The following DBF4 variants were observed in gnomAD, a reference collection of about 807,000 sequenced individuals.
DBF4 encodes the protein protein DBF4 homolog A.
Under a neutral mutation model 76.6 loss-of-function variants are expected in DBF4, and 25 were observed. The observed-to-expected ratio is 0.33, with a 90% CI of 0.24 to 0.46. The LOEUF is 0.46. Among genes scored for constraint, DBF4 ranks in the 20% least tolerant of loss-of-function variants. DBF4 has a pLI of 1.00. For missense variants in DBF4, 638 were observed against 760.8 expected (o/e 0.84, Z 1.90); for synonymous variants, 213 against 258.0 (o/e 0.83, Z 1.67).
At chr7:87,893,051 G>A (rs964465219) in intron 6 of DBF4, among the ~76,000 whole-genome samples, 15 of 152,052 alleles carry the variant, frequency 9.9e-5, no homozygotes, top group African/African-American at 2.7e-4. Context: ...GAGTGATAGC[G>A]TTGCTCATGT....
chr7:87,907,056 T>C, intron 11 of DBF4, 132 bp from the exon 12 acceptor site: 1 of 996,782 alleles, frequency 1.0e-6, no homozygotes, highest in Non-Finnish European at 1.4e-6. Context: ...GTTTGTATTT[T>C]TGTAAAATTT....
chr7:87,893,586 A>G (rs1839551584), intron 6 of DBF4, among the ~76,000 whole-genome samples: 1 of 152,060 alleles, frequency 6.6e-6, no homozygotes, highest in Non-Finnish European at 1.5e-5. Flanking sequence ...TAGCCTCTGT[A>G]ATGCTCTCTC....
At chr7:87,892,768 T>A (rs1839526151) in intron 6 of DBF4, among the ~76,000 whole-genome samples, 1 of 152,230 alleles carries the variant, frequency 6.6e-6, no homozygotes, top group South Asian at 2.1e-4. Context: ...AAAATATTTT[T>A]AAATTTCTCT....
intron 6 of DBF4, chr7:87,888,295 GT>G (rs1839411186): frequency 1.0e-6 from 1 of 985,068 alleles, no homozygotes. Flanking sequence ...TGTTACTGCT[GT>G]TTTGTAACAG....
intron 8 of DBF4, 150 bp downstream of exon 8, chr7:87,897,489 G>A: frequency 4.8e-6 from 3 of 624,076 alleles, no homozygotes; most frequent in Non-Finnish European, 7.9e-6. Flanking sequence ...GTTAACGAAA[G>A]TAGCATTAAT....
intron 2 of DBF4, among the ~76,000 whole-genome samples, chr7:87,878,775 A>G (rs1839134182): frequency 3.3e-5 from 5 of 152,222 alleles, no homozygotes; most frequent in Admixed American, 3.3e-4. Flanking sequence ...GCAAAATTCT[A>G]GGACCTTAAT....
At position 87,883,151 on chromosome 7, in the gene DBF4, C is replaced by T. The variant is rs578232641; in HGVS notation, c.220-1828C>T. Among the ~76,000 whole-genome samples the T allele has an allele frequency of 5.9e-5, 9 of 151,970 alleles. No homozygotes were observed. In the South Asian group the frequency reaches 1.0e-3, roughly 18 times the overall value. On this transcript the variant is annotated intron_variant, in intron 2 of 11. Coordinates refer to ENST00000265728, the MANE Select transcript of DBF4 (RefSeq NM_006716.4). ...TACAACATGGGTGAACCACAAAAAA[C>T]GTGCTAAGTGAAGGAAGCCAGTTAC...
intron 10 of DBF4, among the ~76,000 whole-genome samples, chr7:87,903,689 C>CTT (rs56740998): frequency 0.04 from 3,913 of 97,972 alleles, 115 homozygotes; most frequent in African/African-American, 0.056. Context: ...CTCTGTATCC[C>CTT]TTTTTTTTTT....
chr7:87,896,532 AGT>A, intron 7 of DBF4, 22 bp downstream of exon 7: 2 of 1,606,900 alleles, frequency 1.2e-6, no homozygotes, highest in Non-Finnish European at 8.5e-7. Context: ...GTGATCTTTA[AGT>A]GTATTTGGTT....
intron 2 of DBF4, among the ~76,000 whole-genome samples, chr7:87,882,511 T>C (rs1423262693): frequency 6.6e-6 from 1 of 152,180 alleles, no homozygotes; most frequent in Non-Finnish European, 1.5e-5. Flanking sequence ...CAAAGGACAT[T>C]TTCAGGAGTG....
rs535801243 is a variant in DBF4 at position 87,898,483 on chromosome 7, A to C, written c.680+1144A>C. Among the ~76,000 whole-genome samples the C allele has an allele frequency of 7.2e-5, 11 of 152,204 alleles. No individual in the cohort carries two copies. In the South Asian group the frequency reaches 2.3e-3, roughly 32 times the overall value. On this transcript the variant is annotated intron_variant, in intron 8 of 11. Coordinates refer to ENST00000265728, the MANE Select transcript of DBF4 (RefSeq NM_006716.4). The stretch of plus-strand genomic sequence containing the variant: ...GAATTGTAACAGATGCAGGAAACCC[A>C]AGACAATCATTAAAAATAACAACAA...
At chr7:87,878,865 CTT>C (rs899229252) in intron 2 of DBF4, among the ~76,000 whole-genome samples, 1 of 152,188 alleles carries the variant, frequency 6.6e-6, no homozygotes, top group Non-Finnish European at 1.5e-5. Flanking sequence ...TCATGCTGGA[CTT>C]TGACTTTCTG....
chr7:87,897,252 C>T, intron 7 of DBF4, 42 bp from the exon 8 acceptor site: 2 of 1,503,674 alleles, frequency 1.3e-6, no homozygotes, highest in Admixed American at 2.1e-5. Context: ...AAAAAAGAAT[C>T]CTGAATTTGC....
At chr7:87,887,127 A>G (rs1232306756) in intron 4 of DBF4, among the ~76,000 whole-genome samples, 1 of 152,212 alleles carries the variant, frequency 6.6e-6, no homozygotes, top group Non-Finnish European at 1.5e-5. Context: ...TTTTCATTAA[A>G]TTACCAAGGA....
chr7:87,900,469 T>C, intron 9 of DBF4, 120 bp downstream of exon 9: 1 of 1,181,986 alleles, frequency 8.5e-7, no homozygotes, highest in African/African-American at 1.6e-5. Flanking sequence ...TAATTACTAT[T>C]CTGATTACTT....
rs1839959484 is a variant in DBF4 at position 87,908,271 on chromosome 7, C to T, written c.*108C>T. Reference sequence around the variant, plus strand: ...TTTTTTTACCAGCTTTGTTTACAGACCCAAATGTAAATATTAAAAATAAAT... The same window carrying T: ...TTTTTTTACCAGCTTTGTTTACAGATCCAAATGTAAATATTAAAAATAAAT... On this transcript the variant is annotated 3_prime_UTR_variant, in exon 12 of 12. Coordinates refer to ENST00000265728, the MANE Select transcript of DBF4 (RefSeq NM_006716.4). 1 of 1,115,006 alleles carries T rather than the reference C, an allele frequency of 9.0e-7. No individual in the cohort carries two copies. Among genetic ancestry groups the T allele is most frequent in the African/African-American group, 1.6e-5 (1 of 61,712 alleles). 69.1% of individuals were successfully genotyped at this position (1,115,006 alleles called of 1,614,324 possible). A position where few individuals can be genotyped will look rare whatever the true frequency, so the allele number is the denominator to read the frequency against.
chr7:87,899,316 G>C (rs1342788934), intron 8 of DBF4, among the ~76,000 whole-genome samples: 2 of 152,190 alleles, frequency 1.3e-5, no homozygotes, highest in Non-Finnish European at 2.9e-5. Flanking sequence ...GATACTGCAA[G>C]TCATGTATCT....
intron 1 of DBF4, 118 bp downstream of exon 1, chr7:87,876,896 T>C: frequency 8.8e-7 from 1 of 1,132,330 alleles, no homozygotes; most frequent in Non-Finnish European, 1.3e-6. Flanking sequence ...CTGACCGGCC[T>C]CTGGGGTCTG....
chr7:87,882,145 T>C lies in DBF4; in HGVS notation c.220-2834T>C, dbSNP rs903383623. ...ACATAAGAACAGACATACAGACCAATAGAGTAGAACAGAGAACCCAGAAAT... is the reference window on the plus strand; with the variant it reads ...ACATAAGAACAGACATACAGACCAACAGAGTAGAACAGAGAACCCAGAAAT... On this transcript the variant is annotated intron_variant, in intron 2 of 11. Transcript: ENST00000265728. Among the ~76,000 whole-genome samples, 8 of 152,050 alleles carry C rather than the reference T, an allele frequency of 5.3e-5. No homozygotes were observed. In the South Asian group the frequency reaches 8.3e-4, roughly 16 times the overall value.
Sources: gnomAD v4.1 joint callset for allele counts (sites outside exome capture counted in the v4.1 genomes callset) on GRCh38, gnomAD v4.1.1 for gene constraint, MANE v1.5 for transcripts, NCBI Gene and HGNC (gene_info 2026-07-23, HGNC 2026-07-21) for gene names.